The following MGMT variants were observed in gnomAD, a reference collection of about 807,000 sequenced individuals.
MGMT encodes the protein methylated-DNA--protein-cysteine methyltransferase.
Under a neutral mutation model 15.9 loss-of-function variants are expected in MGMT, and 14 were observed. The ratio of observed to expected loss-of-function variants is 0.88; its 90% CI spans 0.58 to 1.37. MGMT has a LOEUF of 1.37. Ranked by LOEUF, MGMT falls within the 40% of genes most tolerant of loss-of-function variation. The probability of loss-of-function intolerance (pLI) is 0.00; values close to 1 mark genes in which losing one functional copy is unlikely to be tolerated. For synonymous variants in MGMT, 130 were observed against 118.2 expected, an observed-to-expected ratio of 1.10 and a Z score of -0.65; for missense variants, 282 against 268.1, an observed-to-expected ratio of 1.05 and a Z score of -0.36.
chr10:129,524,879 C>T (rs371557726), intron 1 of MGMT, among the ~76,000 whole-genome samples: 3 of 152,188 alleles, frequency 2.0e-5, no homozygotes, highest in East Asian at 1.9e-4. Context: ...TGTGAGCCAC[C>T]GCACCCGGCC....
chr10:129,467,634 C>T (rs773078400), intron 1 of MGMT, among the ~76,000 whole-genome samples: 11 of 152,232 alleles, frequency 7.2e-5, no homozygotes, highest in South Asian at 2.1e-4. Flanking sequence ...GCTTTCCCTC[C>T]GCCAGCTGCT....
intron 2 of MGMT, among the ~76,000 whole-genome samples, chr10:129,623,673 C>T (rs886753972): frequency 2.6e-5 from 4 of 152,124 alleles, no homozygotes; most frequent in Admixed American, 6.5e-5. Flanking sequence ...GGACTACATA[C>T]GTGCACCACC....
intron 3 of MGMT, among the ~76,000 whole-genome samples, chr10:129,744,365 C>T (rs1848669769): frequency 6.6e-6 from 1 of 152,246 alleles, no homozygotes; most frequent in Non-Finnish European, 1.5e-5. Flanking sequence ...TCCAAACTAA[C>T]CTGGTAGCCC....
At chr10:129,674,912 A>G (rs1046185335) in intron 2 of MGMT, among the ~76,000 whole-genome samples, 42 of 152,314 alleles carry the variant, frequency 2.8e-4, no homozygotes, top group Admixed American at 2.7e-3. Flanking sequence ...TTCAACAACT[A>G]ATGAACAAAG....
At chr10:129,558,136 C>G (rs576480146) in intron 2 of MGMT, among the ~76,000 whole-genome samples, 1 of 152,198 alleles carries the variant, frequency 6.6e-6, no homozygotes, top group South Asian at 2.1e-4. Flanking sequence ...TGGATGGGGT[C>G]GGGGTATTTC....
intron 3 of MGMT, among the ~76,000 whole-genome samples, chr10:129,754,813 G>T (rs1848787238): frequency 6.6e-6 from 1 of 152,176 alleles, no homozygotes; most frequent in African/African-American, 2.4e-5. Context: ...CTGAGGGAGG[G>T]GCCCTCATGA....
Position 129,688,394 on chromosome 10 carries a change from G to A in MGMT, c.126-19501G>A, listed in dbSNP as rs1847933866. On this transcript the variant is annotated intron_variant, in intron 2 of 4. Coordinates refer to ENST00000651593, the MANE Select transcript of MGMT (RefSeq NM_002412.5). ...TAATGATCGCCATTCTAACTGGTGT[G>A]AGATGGTATCTCATTGTGGTTTTGA... Among the ~76,000 whole-genome samples, 2 of 152,206 alleles carry A rather than the reference G, an allele frequency of 1.3e-5. 1 individual carries two copies. Among genetic ancestry groups the A allele is most frequent in the South Asian group, 4.1e-4 (2 of 4,824 alleles).
intron 4 of MGMT, among the ~76,000 whole-genome samples, chr10:129,764,620 G>A (rs764468684): frequency 2.3e-4 from 35 of 152,244 alleles, no homozygotes; most frequent in Non-Finnish European, 1.2e-4. Context: ...AGGGTGGAGC[G>A]TGGGGAAGCT....
At chr10:129,711,969 G>A (rs1211477552) in intron 3 of MGMT, among the ~76,000 whole-genome samples, 1 of 152,090 alleles carries the variant, frequency 6.6e-6, no homozygotes, top group Non-Finnish European at 1.5e-5. Context: ...TATATAATGT[G>A]CCTTCTGGAG....
chr10:129,584,269 A>G (rs1846592215), intron 2 of MGMT, among the ~76,000 whole-genome samples: 1 of 152,196 alleles, frequency 6.6e-6, no homozygotes, highest in African/African-American at 2.4e-5. Flanking sequence ...GAAGTTGGCA[A>G]GCTCTTGGCC....
chr10:129,751,617 C>A (rs1160497752), intron 3 of MGMT, among the ~76,000 whole-genome samples: 1 of 151,602 alleles, frequency 6.6e-6, no homozygotes, highest in Admixed American at 6.6e-5. Flanking sequence ...ATTATTGAGA[C>A]CTTTCTTTTT....
chr10:129,714,237 T>C (rs1452527285), intron 3 of MGMT, among the ~76,000 whole-genome samples: 1 of 152,238 alleles, frequency 6.6e-6, no homozygotes, highest in Non-Finnish European at 1.5e-5. Flanking sequence ...GCTCCTGAGC[T>C]TGGCTGACCA....
intron 3 of MGMT, among the ~76,000 whole-genome samples, chr10:129,716,406 C>T (rs1848298155): frequency 6.6e-6 from 1 of 152,206 alleles, no homozygotes; most frequent in African/African-American, 2.4e-5. Context: ...TAGTCTTCCA[C>T]GTGTGGATGT....
intron 3 of MGMT, among the ~76,000 whole-genome samples, chr10:129,734,490 A>G (rs12249441): frequency 0.19 from 29,307 of 151,088 alleles, 3,093 homozygotes; most frequent in Middle Eastern, 0.35. Flanking sequence ...TGGATATACA[A>G]TCATGTCATC....
At chr10:129,650,856 G>A (rs1847449212) in intron 2 of MGMT, among the ~76,000 whole-genome samples, 1 of 152,198 alleles carries the variant, frequency 6.6e-6, no homozygotes, top group Non-Finnish European at 1.5e-5. Flanking sequence ...GACTAGGGCA[G>A]AGACGGTTAG....
chr10:129,721,592 C>T (rs541358090), intron 3 of MGMT, among the ~76,000 whole-genome samples: 92 of 152,096 alleles, frequency 6.0e-4, no homozygotes, highest in African/African-American at 2.1e-3. Flanking sequence ...TTATAATACA[C>T]GTAGAAGGAA....
chr10:129,628,517 G>A (rs1052320168), intron 2 of MGMT, among the ~76,000 whole-genome samples: 3 of 152,128 alleles, frequency 2.0e-5, no homozygotes, highest in Non-Finnish European at 2.9e-5. Context: ...CATTGACCCC[G>A]TGGTGCTTTC....
Position 129,677,072 on chromosome 10 carries a change from C to A in MGMT, c.126-30823C>A, listed in dbSNP as rs367969631. Among the ~76,000 whole-genome samples, 30 of 152,220 alleles carry A rather than the reference C, an allele frequency of 2.0e-4. 1 individual carries two copies. Among genetic ancestry groups the A allele is most frequent in the Admixed American group, 1.8e-3 (27 of 15,292 alleles). On this transcript the variant is annotated intron_variant, in intron 2 of 4. Transcript: ENST00000651593. ...AGGGGCAAAGCGGCTGATTCTGCAG[C>A]CTGGGCATGTGGTATGTGGGTGTCT... is the stretch of plus-strand genomic sequence containing the variant.
chr10:129,705,138 G>A (rs559123095), intron 2 of MGMT, among the ~76,000 whole-genome samples: 4 of 152,330 alleles, frequency 2.6e-5, no homozygotes, highest in East Asian at 1.9e-4. Flanking sequence ...TGTCGCAGAC[G>A]CAGGCCCATG....
Sources: gnomAD v4.1 joint callset for allele counts (sites outside exome capture counted in the v4.1 genomes callset) on GRCh38, gnomAD v4.1.1 for gene constraint, MANE v1.5 for transcripts, NCBI Gene and HGNC (gene_info 2026-07-23, HGNC 2026-07-21) for gene names.